PTPN5: variants seen among roughly 807,000 people sequenced by gnomAD.
PTPN5 encodes the protein tyrosine-protein phosphatase non-receptor type 5.
Under a neutral mutation model 73.9 loss-of-function variants are expected in PTPN5, and 29 were observed. The ratio of observed to expected loss-of-function variants is 0.39; its 90% CI spans 0.29 to 0.54. PTPN5 has a LOEUF of 0.54. PTPN5 is among the 20% of genes least tolerant of loss of function. The pLI, the probability that PTPN5 is intolerant of heterozygous loss-of-function variation, is 0.65. For synonymous variants in PTPN5, 267 were observed against 304.7 expected, an observed-to-expected ratio of 0.88 and a Z score of 1.29; for missense variants, 652 against 751.4, an observed-to-expected ratio of 0.87 and a Z score of 1.55.
chr11:18,784,572 G>A (rs1445545928), intron 1 of PTPN5, among the ~76,000 whole-genome samples: 1 of 152,178 alleles, frequency 6.6e-6, no homozygotes, highest in African/African-American at 2.4e-5. Flanking sequence ...ATGGACAGTG[G>A]TGATGGTTGT....
At chr11:18,738,972 CAAAAA>C (rs375555659) in intron 8 of PTPN5, among the ~76,000 whole-genome samples, 1 of 70,068 alleles carries the variant, frequency 1.4e-5, no homozygotes, top group Non-Finnish European at 3.0e-5. Flanking sequence ...AACCCTGTCT[CAAAAA>C]AAAAAAAAAA....
Position 18,728,841 on chromosome 11 carries a change from CG to C in PTPN5, c.*92del. Reference sequence around the variant, plus strand: ...AGGGAGCTGACTGAAGGGGAGGAAGCGGGGAGCAGGCCCAGGACCCGAGGCA... The same window carrying C: ...AGGGAGCTGACTGAAGGGGAGGAAGCGGGAGCAGGCCCAGGACCCGAGGCA... On this transcript the variant is annotated 3_prime_UTR_variant, in exon 15 of 15. Coordinates refer to ENST00000358540, the MANE Select transcript of PTPN5 (RefSeq NM_006906.2). The surrounding 1 kb of genome is among the most constrained non-coding windows in gnomAD (Gnocchi z 4.1). 1.6e-6 allele frequency: 2 copies of C among 1,226,680 alleles called. No homozygotes were observed. Among genetic ancestry groups the C allele is most frequent in the Non-Finnish European group, 1.2e-6 (1 of 868,546 alleles). The allele number at this position is 1,226,680 out of a possible 1,614,324, so 76.0% of individuals were successfully genotyped here. A position where few individuals can be genotyped will look rare whatever the true frequency, so the allele number is the denominator to read the frequency against.
At chr11:18,748,295 T>C (rs888724412) in intron 3 of PTPN5, among the ~76,000 whole-genome samples, 1 of 152,182 alleles carries the variant, frequency 6.6e-6, no homozygotes, top group Non-Finnish European at 1.5e-5. Context: ...ATCATTACTT[T>C]TGCATATGAA....
chr11:18,735,688 C>G (rs1849080738), intron 9 of PTPN5, among the ~76,000 whole-genome samples: 2 of 151,546 alleles, frequency 1.3e-5, no homozygotes, highest in South Asian at 4.2e-4. Context: ...TTGCTTGAAC[C>G]CAGGAGGCAG....
intron 1 of PTPN5, among the ~76,000 whole-genome samples, chr11:18,781,978 G>A (rs755794214): frequency 1.3e-5 from 2 of 152,232 alleles, no homozygotes; most frequent in South Asian, 2.1e-4. Flanking sequence ...GCCCGGAGAG[G>A]TGAAAGCACA....
Position 18,733,199 on chromosome 11 carries a change from G to A in PTPN5, c.1218+36C>T. On this transcript the variant is annotated intron_variant, in intron 11 of 14. Transcript: ENST00000358540. The surrounding 1 kb of genome is among the most constrained non-coding windows in gnomAD (Gnocchi z 4.3). ...CAAGATACTTAGTGTAGGGCGCAAT[G>A]TAGCAGACACTTAGAATGGGGACGG... The A allele has an allele frequency of 6.2e-7, 1 of 1,600,024 alleles. No individual in the cohort carries two copies. Among genetic ancestry groups the A allele is most frequent in the Non-Finnish European group, 8.6e-7 (1 of 1,168,946 alleles).
intron 1 of PTPN5, among the ~76,000 whole-genome samples, chr11:18,787,553 A>T (rs1208621871): frequency 6.6e-6 from 1 of 152,102 alleles, no homozygotes; most frequent in Non-Finnish European, 1.5e-5. Flanking sequence ...TTACAGGTAC[A>T]CTTCAGGTTC....
At position 18,786,965 on chromosome 11, in the gene PTPN5, G is replaced by A. The variant is rs555686727; in HGVS notation, c.-114+4560C>T. ...TAAAACCTCTATGAAGGAAATGGTTGAGAGTGCAAGAGAAAATTTGAAATG... is the reference window on the plus strand; with the variant it reads ...TAAAACCTCTATGAAGGAAATGGTTAAGAGTGCAAGAGAAAATTTGAAATG... On this transcript the variant is annotated intron_variant, in intron 1 of 14. Coordinates refer to ENST00000358540, the MANE Select transcript of PTPN5 (RefSeq NM_006906.2). Among the ~76,000 whole-genome samples, 8 of 152,334 alleles carry A rather than the reference G, an allele frequency of 5.3e-5. No homozygotes were observed. The East Asian group carries it at 1.2e-3, about 22-fold the overall frequency.
At chr11:18,781,740 T>TG (rs1851440297) in intron 1 of PTPN5, among the ~76,000 whole-genome samples, 2 of 152,148 alleles carry the variant, frequency 1.3e-5, no homozygotes, top group African/African-American at 4.8e-5. Flanking sequence ...TACTGAGCCT[T>TG]GGGGGACACA....
chr11:18,759,364 C>G (rs1412464474), intron 3 of PTPN5, among the ~76,000 whole-genome samples: 1 of 152,132 alleles, frequency 6.6e-6, no homozygotes, highest in African/African-American at 2.4e-5. Context: ...TTGGAACTCA[C>G]AGCAGTTAGA....
intron 1 of PTPN5, among the ~76,000 whole-genome samples, chr11:18,781,323 CTT>C (rs58611404): frequency 2.6e-5 from 3 of 114,422 alleles, no homozygotes; most frequent in African/African-American, 6.5e-5. Flanking sequence ...TTTTTGACCA[CTT>C]TTTTTTTTTT....
At chr11:18,743,925 G>A in intron 4 of PTPN5, 81 bp downstream of exon 4, 1 of 1,469,464 alleles carries the variant, frequency 6.8e-7, no homozygotes, top group South Asian at 1.4e-5. Flanking sequence ...CCTTCCAGGT[G>A]GCCATCCTGG....
rs75806012 is a variant in PTPN5 at position 18,742,590 on chromosome 11, C to G, written c.484-87G>C. On this transcript the variant is annotated intron_variant, in intron 6 of 14. Coordinates refer to ENST00000358540, the MANE Select transcript of PTPN5 (RefSeq NM_006906.2). This position sits in a 1 kb window ranked among gnomAD's most constrained non-coding sequence, Gnocchi z 4.1. The stretch of plus-strand genomic sequence containing the variant: ...AGTGCCCATGGGATTGACGCCCCCC[C>G]ACTCCCTCAGTGTGTCTAGAGCAGC... 3.2e-6 allele frequency: 5 copies of G among 1,546,516 alleles called. No individual in the cohort carries two copies. Among genetic ancestry groups the G allele is most frequent in the Admixed American group, 1.8e-5 (1 of 56,232 alleles).
At chr11:18,765,544 CCTT>C (rs760017707) in intron 3 of PTPN5, among the ~76,000 whole-genome samples, 2 of 152,222 alleles carry the variant, frequency 1.3e-5, no homozygotes, top group African/African-American at 4.8e-5. Context: ...AGCTCTTCGT[CCTT>C]CTTTTCACTT....
rs749602887 is a variant in PTPN5 at position 18,744,220 on chromosome 11, G to A, written c.98-21C>T. On this transcript the variant is annotated intron_variant, in intron 3 of 14. Transcript: ENST00000358540. ...GAGACCTGTGGAAGATGGGCCATGC[G>A]GGCCGATGACTCCGGCCCTGTCCAC... 5.6e-5 allele frequency: 84 copies of A among 1,507,942 alleles called. No homozygotes were observed. In the Middle Eastern group the frequency reaches 1.5e-3, roughly 27 times the overall value. The allele number at this position is 1,507,942 out of a possible 1,614,324, so 93.4% of individuals were successfully genotyped here. A position where few individuals can be genotyped will look rare whatever the true frequency, so the allele number is the denominator to read the frequency against.
At chr11:18,754,012 C>T (rs1465693770) in intron 3 of PTPN5, among the ~76,000 whole-genome samples, 1 of 152,164 alleles carries the variant, frequency 6.6e-6, no homozygotes, top group African/African-American at 2.4e-5. Context: ...AAACACATTA[C>T]CTGTTGAGAG....
chr11:18,734,865 T>G (rs1357830494), intron 9 of PTPN5, among the ~76,000 whole-genome samples: 2 of 152,176 alleles, frequency 1.3e-5, no homozygotes, highest in Non-Finnish European at 2.9e-5. Flanking sequence ...GCACTTCCAG[T>G]GTGCACATTA....
chr11:18,769,398 AAATTAATT>A (rs768095555), intron 2 of PTPN5, among the ~76,000 whole-genome samples: 1 of 151,854 alleles, frequency 6.6e-6, no homozygotes, highest in Non-Finnish European at 1.5e-5. Flanking sequence ...GTTTTTTTTT[AAATTAATT>A]AATTAATTAA....
chr11:18,741,472 G>T (rs966541035), intron 7 of PTPN5, among the ~76,000 whole-genome samples: 11 of 152,168 alleles, frequency 7.2e-5, no homozygotes, highest in Non-Finnish European at 1.3e-4. Flanking sequence ...TCCCAGTAAG[G>T]GGGTGGCAGA....
Sources: gnomAD v4.1 joint callset for allele counts (sites outside exome capture counted in the v4.1 genomes callset) on GRCh38, gnomAD v4.1.1 for gene constraint, Gnocchi (gnomAD v3.1) non-coding constraint, MANE v1.5 for transcripts, NCBI Gene and HGNC (gene_info 2026-07-23, HGNC 2026-07-21) for gene names.